TTLL11: variants seen among roughly 807,000 people sequenced by gnomAD.
TTLL11 encodes the protein tubulin polyglutamylase TTLL11.
In TTLL11, 42 loss-of-function variants were observed where a neutral mutation model predicts 51.7. The observed-to-expected ratio is 0.81, with a 90% CI of 0.64 to 1.05. The LOEUF is 1.05. TTLL11 is among the 50% of genes least tolerant of loss of function. The probability of loss-of-function intolerance (pLI) is 0.00; values close to 1 mark genes in which losing one functional copy is unlikely to be tolerated. For missense variants in TTLL11, 799 were observed against 940.4 expected (o/e 0.85, Z 1.97); for synonymous variants, 381 against 383.5 (o/e 0.99, Z 0.08).
At chr9:122,034,179 G>A (rs576567059) in intron 2 of TTLL11, among the ~76,000 whole-genome samples, 75 of 152,346 alleles carry the variant, frequency 4.9e-4, no homozygotes, top group Non-Finnish European at 9.8e-4. Context: ...CCGGGGGAAT[G>A]TTCTCTTCCG....
intron 3 of TTLL11, among the ~76,000 whole-genome samples, chr9:121,992,480 T>G (rs2131701085): frequency 6.6e-6 from 1 of 152,334 alleles, no homozygotes; most frequent in Non-Finnish European, 1.5e-5. Flanking sequence ...TGGGCATGTG[T>G]ATTCTGGAAA....
intron 1 of TTLL11, among the ~76,000 whole-genome samples, chr9:122,078,308 C>T (rs570414379): frequency 3.9e-5 from 6 of 152,288 alleles, no homozygotes; most frequent in African/African-American, 1.4e-4. Flanking sequence ...ATATAAAATA[C>T]TCTAAATGAC....
chr9:121,971,042 T>C (rs866499704), intron 6 of TTLL11, among the ~76,000 whole-genome samples: 8,030 of 37,000 alleles, frequency 0.22, 173 homozygotes, highest in Middle Eastern at 0.31. Context: ...CCCCGCCCGG[T>C]CAGCCGCCCC....
intron 8 of TTLL11, among the ~76,000 whole-genome samples, chr9:121,835,118 G>A (rs1837148393): frequency 6.6e-6 from 1 of 152,172 alleles, no homozygotes; most frequent in South Asian, 2.1e-4. Context: ...GTGAGGGGCT[G>A]GACGGAGTGA....
chr9:122,027,651 A>G lies in TTLL11; in HGVS notation c.693+4072T>C, dbSNP rs1395278518. On this transcript the variant is annotated intron_variant, in intron 3 of 8. Coordinates refer to ENST00000321582, the MANE Select transcript of TTLL11 (RefSeq NM_001139442.2). ...TTGCAACTTTTTTGTTGAGTTTTAA[A>G]TTATTTCAAAGCAGTTTAAAAACTG... 2.0e-5 allele frequency among the ~76,000 whole-genome samples: 3 copies of G among 152,194 alleles called. No individual in the cohort carries two copies. The East Asian group carries it at 5.8e-4, about 29-fold the overall frequency.
At chr9:122,017,851 G>T (rs372176016) in intron 3 of TTLL11, among the ~76,000 whole-genome samples, 44 of 152,182 alleles carry the variant, frequency 2.9e-4, no homozygotes, top group African/African-American at 1.0e-3. Context: ...GAAAATGAAG[G>T]CTAAAGAAAA....
chr9:121,974,233 A>G (rs1564335733), intron 5 of TTLL11, 109 bp from the exon 6 acceptor site: 7 of 613,132 alleles, frequency 1.1e-5, no homozygotes, highest in Non-Finnish European at 1.9e-5. Context: ...ATGCTAATCT[A>G]TAGAAGAAAA....
At chr9:122,048,923 T>C (rs892225033) in intron 1 of TTLL11, among the ~76,000 whole-genome samples, 1 of 152,042 alleles carries the variant, frequency 6.6e-6, no homozygotes, top group Non-Finnish European at 1.5e-5. Context: ...TGATCATCAG[T>C]GTATCCCTAA....
At chr9:121,963,363 A>C (rs1369626495) in intron 6 of TTLL11, among the ~76,000 whole-genome samples, 1 of 152,232 alleles carries the variant, frequency 6.6e-6, no homozygotes, top group African/African-American at 2.4e-5. Flanking sequence ...TCCTAAGCCC[A>C]GCATGTGCTG....
At chr9:122,061,186 T>C (rs929365085) in intron 1 of TTLL11, among the ~76,000 whole-genome samples, 5 of 152,214 alleles carry the variant, frequency 3.3e-5, no homozygotes, top group African/African-American at 4.8e-5. Context: ...CTGTCTCTTA[T>C]AAAGACACTT....
intron 3 of TTLL11, among the ~76,000 whole-genome samples, chr9:122,025,580 A>T (rs1844307316): frequency 6.6e-6 from 1 of 152,204 alleles, no homozygotes; most frequent in African/African-American, 2.4e-5. Context: ...TGATCGGGCC[A>T]CTGCACTCCA....
chr9:121,956,367 C>G (rs16911152), intron 6 of TTLL11, among the ~76,000 whole-genome samples: 11,764 of 152,198 alleles, frequency 0.077, 684 homozygotes, highest in African/African-American at 0.16. Flanking sequence ...TTAAGAAACC[C>G]GCATAGAAAG....
chr9:122,064,130 T>C (rs976734410), intron 1 of TTLL11, among the ~76,000 whole-genome samples: 4 of 152,204 alleles, frequency 2.6e-5, no homozygotes, highest in Non-Finnish European at 5.9e-5. Flanking sequence ...ATAATCTTTT[T>C]AAAATATTAA....
In TTLL11 at chr9:121,935,031, T is replaced by G. The variant is rs538604712; in HGVS notation, c.1481+38978A>C. On this transcript the variant is annotated intron_variant, in intron 6 of 8. Transcript: ENST00000321582. ...GTGCAATGGCGCAATCTCGGCTCAC[T>G]GCAACCTCCACCTCCTGGGTTCAAG... Among the ~76,000 whole-genome samples, 110 of 152,236 alleles carry G rather than the reference T, an allele frequency of 7.2e-4. No individual in the cohort carries two copies. In the South Asian group the frequency reaches 0.01, roughly 14 times the overall value.
At chr9:122,031,884 T>C in intron 2 of TTLL11, 28 bp from the exon 3 acceptor site, 1 of 1,603,544 alleles carries the variant, frequency 6.2e-7, no homozygotes, top group South Asian at 1.1e-5. Flanking sequence ...TGTGAGGTTT[T>C]AACAACAGTG....
rs1462210276 is a variant in TTLL11 at position 121,826,173 on chromosome 9, T to TATATAA, written c.1841-3295_1841-3294insTTATAT. Among the ~76,000 whole-genome samples the TATATAA allele has an allele frequency of 4.7e-4, 33 of 69,670 alleles. 1 individual carries two copies. Among genetic ancestry groups the TATATAA allele is most frequent in the African/African-American group, 1.6e-3 (31 of 19,194 alleles). The allele number at this position is 69,670 out of a possible 152,430, so 45.7% of individuals were successfully genotyped here. The stretch of plus-strand genomic sequence containing the variant: ...AGTAGAATATATATATATATATATA[T>TATATAA]AACCAGTAACCTATATATATATATA... On this transcript the variant is annotated intron_variant, in intron 8 of 8. Coordinates refer to ENST00000321582, the MANE Select transcript of TTLL11 (RefSeq NM_001139442.2).
intron 6 of TTLL11, among the ~76,000 whole-genome samples, chr9:121,972,892 G>A (rs906519821): frequency 6.6e-6 from 1 of 152,260 alleles, no homozygotes; most frequent in Non-Finnish European, 1.5e-5. Flanking sequence ...AGCCTTGGTA[G>A]AGGAACCTGC....
intron 1 of TTLL11, among the ~76,000 whole-genome samples, chr9:122,066,018 C>T (rs1055854697): frequency 7.3e-5 from 11 of 151,336 alleles, no homozygotes; most frequent in East Asian, 1.9e-4. Context: ...CTGGGTAGGA[C>T]GTTCTTAAAT....
chr9:121,936,828 C>T (rs1841245297), intron 6 of TTLL11, among the ~76,000 whole-genome samples: 1 of 152,154 alleles, frequency 6.6e-6, no homozygotes, highest in South Asian at 2.1e-4. Context: ...AGTTATGAAA[C>T]ATTTGACTAC....
Sources: gnomAD v4.1 joint callset for allele counts (sites outside exome capture counted in the v4.1 genomes callset) on GRCh38, gnomAD v4.1.1 for gene constraint, MANE v1.5 for transcripts, NCBI Gene and HGNC (gene_info 2026-07-23, HGNC 2026-07-21) for gene names.